The following LONP1 variants were observed in gnomAD, a reference collection of about 807,000 sequenced individuals.
LONP1 encodes lon peptidase 1, mitochondrial, also known as lon protease homolog, mitochondrial.
LONP1 carries 31 observed loss-of-function variants against 98.5 expected under a neutral mutation model. That is an observed-to-expected ratio of 0.31 (90% CI 0.24 to 0.42). The LOEUF is 0.42. LONP1 is among the 20% of genes least tolerant of loss of function. The pLI, the probability that LONP1 is intolerant of heterozygous loss-of-function variation, is 1.00. For missense variants in LONP1, 1,336 were observed against 1,350.6 expected, an observed-to-expected ratio of 0.99 and a Z score of 0.17; for synonymous variants, 781 against 594.7, an observed-to-expected ratio of 1.31 and a Z score of -4.56.
At chr19:5,697,059 C>CA (rs1326796203) in intron 10 of LONP1, among the ~76,000 whole-genome samples, 3 of 152,190 alleles carry the variant, frequency 2.0e-5, no homozygotes, top group Non-Finnish European at 4.4e-5. Context: ...AGAAGGCCCC[C>CA]ACTCCTCACT....
intron 2 of LONP1, 58 bp downstream of exon 2, chr19:5,714,124 GT>G: frequency 1.5e-6 from 2 of 1,333,816 alleles, no homozygotes; most frequent in South Asian, 2.4e-5. Context: ...AGTAGGACTT[GT>G]GGTGAGCTGG....
chr19:5,696,185 A>G lies in LONP1; in HGVS notation c.1897-15T>C. Reference sequence around the variant, plus strand: ...ATGAACAGCACCTGGGGGCGGCGGCAAGGTGCTGGGGGACTGGCCGCTTAC... The same window carrying G: ...ATGAACAGCACCTGGGGGCGGCGGCGAGGTGCTGGGGGACTGGCCGCTTAC... On this transcript the variant is annotated splice_polypyrimidine_tract_variant and intron_variant, in intron 12 of 17. Transcript: ENST00000360614. 6.2e-7 allele frequency: 1 copy of G among 1,612,778 alleles called. No individual in the cohort carries two copies.
At chr19:5,702,637 G>A (rs2055075039) in intron 8 of LONP1, among the ~76,000 whole-genome samples, 1 of 152,260 alleles carries the variant, frequency 6.6e-6, no homozygotes, top group Non-Finnish European at 1.5e-5. Flanking sequence ...GTAGAAAGAA[G>A]TAGACATGAG....
intron 6 of LONP1, 93 bp downstream of exon 6, chr19:5,707,604 T>C: frequency 1.4e-6 from 2 of 1,396,204 alleles, no homozygotes; most frequent in Admixed American, 3.7e-5. Flanking sequence ...ATGGGGGAGC[T>C]GAGGAGGAAC....
Position 5,712,015 on chromosome 19 carries a change from C to T in LONP1, c.639-13G>A, listed in dbSNP as rs2055247076. The T allele has an allele frequency of 6.2e-7, 1 of 1,605,642 alleles. No individual in the cohort carries two copies. The highest frequency in any genetic ancestry group is 8.5e-7 in the Non-Finnish European group (1 of 1,174,746). The stretch of plus-strand genomic sequence containing the variant: ...GCTGATATGGACTCTGACACGGGAG[C>T]AAGGCAGGTGTGAATCAGCCGCTGA... On this transcript the variant is annotated splice_polypyrimidine_tract_variant and intron_variant, in intron 3 of 17. Transcript: ENST00000360614.
At chr19:5,700,672 C>G in intron 9 of LONP1, 117 bp downstream of exon 9, 1 of 1,409,028 alleles carries the variant, frequency 7.1e-7, no homozygotes, top group Non-Finnish European at 9.6e-7. Context: ...CCGACCAGCA[C>G]CCCCAGGCCT....
At chr19:5,706,565 C>T (rs2055148532) in intron 7 of LONP1, among the ~76,000 whole-genome samples, 1 of 152,050 alleles carries the variant, frequency 6.6e-6, no homozygotes, top group Non-Finnish European at 1.5e-5. Context: ...TGAGATTGCG[C>T]CATTGCACTC....
intron 6 of LONP1, 47 bp downstream of exon 6, chr19:5,707,650 T>C (rs1301359716): frequency 1.3e-6 from 2 of 1,574,966 alleles, no homozygotes; most frequent in African/African-American, 1.4e-5. Flanking sequence ...ATAGTGGAGG[T>C]GGGGTGCAGC....
Position 5,693,435 on chromosome 19 carries a change from C to T in LONP1, c.2566G>A (p.Ala856Thr), listed in dbSNP as rs755394304. 1.6e-5 allele frequency: 25 copies of T among 1,611,668 alleles called. No homozygotes were observed. Among genetic ancestry groups the T allele is most frequent in the Admixed American group, 3.3e-5 (2 of 59,974 alleles). Residue 856 changes from alanine to threonine, a missense_variant, in exon 17 of 18, where the codon GCA becomes ACA. By Grantham distance (58) the Ala-to-Thr change is moderately conservative. Around this residue, in one of 5 missense-constraint regions of LONP1, gnomAD observed 555 missense variants for 542.6 expected, o/e 1.02. Coordinates refer to ENST00000360614, the MANE Select transcript of LONP1 (RefSeq NM_004793.4). The part of the protein sequence containing the change: ...EGATPKDGPS[A>T]GCTIVTALLS... ...AGGGCCGTGACGATGGTGCAGCCTG[C>T]GCTTGGGCCGTCCTTGGGGGTGGCG...
chr19:5,706,085 G>C, intron 7 of LONP1, 93 bp from the exon 8 acceptor site: 1 of 796,956 alleles, frequency 1.3e-6, no homozygotes, highest in Non-Finnish European at 2.1e-6. Context: ...TGCTCCCCCA[G>C]GACTCAGAGA....
chr19:5,696,949 T>A (rs1022591588), intron 10 of LONP1, among the ~76,000 whole-genome samples, 192 bp from the exon 11 acceptor site: 1 of 152,186 alleles, frequency 6.6e-6, no homozygotes, highest in South Asian at 2.1e-4. Flanking sequence ...TTGCCCTGAC[T>A]CGCCAGCTCA....
intron 9 of LONP1, among the ~76,000 whole-genome samples, chr19:5,699,688 G>C (rs554268230): frequency 6.6e-6 from 1 of 151,484 alleles, no homozygotes; most frequent in African/African-American, 2.4e-5. Context: ...CTCCTGAGTA[G>C]CTGGGATTAC....
chr19:5,694,994 A>C, intron 13 of LONP1, 93 bp from the exon 14 acceptor site: 1 of 1,430,568 alleles, frequency 7.0e-7, no homozygotes, highest in South Asian at 1.3e-5. Context: ...CATGGCCCCC[A>C]GACCCTGGCC....
chr19:5,715,431 C>T (rs1234151763), intron 1 of LONP1, among the ~76,000 whole-genome samples: 4 of 149,950 alleles, frequency 2.7e-5, no homozygotes, highest in East Asian at 2.0e-4. Context: ...ATCACAAGGT[C>T]AGGAGATCGA....
At chr19:5,714,364 G>T in intron 1 of LONP1, 93 bp from the exon 2 acceptor site, 1 of 865,028 alleles carries the variant, frequency 1.2e-6, no homozygotes, top group South Asian at 1.5e-5. Context: ...ATGTAATGGC[G>T]TGATCTCAGC....
At chr19:5,716,265 T>C (rs1266122037) in intron 1 of LONP1, among the ~76,000 whole-genome samples, 4 of 30,776 alleles carry the variant, frequency 1.3e-4, no homozygotes, top group East Asian at 5.4e-4. Context: ...TATACATATA[T>C]ATATATATAT....
chr19:5,693,897 G>T, intron 15 of LONP1, 128 bp from the exon 16 acceptor site: 2 of 785,910 alleles, frequency 2.5e-6, no homozygotes, highest in Non-Finnish European at 4.1e-6. Context: ...GGCAGGGGTT[G>T]GTGTCCCATC....
At chr19:5,699,713 A>G (rs767102066) in intron 9 of LONP1, among the ~76,000 whole-genome samples, 15 of 151,834 alleles carry the variant, frequency 9.9e-5, no homozygotes, top group Non-Finnish European at 2.1e-4. Context: ...GTGAGTCACC[A>G]TGCCTGGCTA....
At position 5,696,662 on chromosome 19, in the gene LONP1, G is replaced by A. The variant is rs775776260; in HGVS notation, c.1773+8C>T. Reference sequence around the variant, plus strand: ...GGTTAGGGGGTCTCCGGGCCTCTCCGCACGCACCTCGTCGATGAGGATCAG... The same window carrying A: ...GGTTAGGGGGTCTCCGGGCCTCTCCACACGCACCTCGTCGATGAGGATCAG... On this transcript the variant is annotated splice_region_variant and intron_variant, in intron 11 of 17. Coordinates refer to ENST00000360614, the MANE Select transcript of LONP1 (RefSeq NM_004793.4). 63 of 1,588,548 alleles carry A rather than the reference G, an allele frequency of 4.0e-5. No homozygotes were observed. The highest frequency in any genetic ancestry group is 2.9e-4 in the Admixed American group (17 of 58,830).
Sources: gnomAD v4.1 joint callset for allele counts (sites outside exome capture counted in the v4.1 genomes callset) on GRCh38, gnomAD v4.1.1 for gene constraint, gnomAD v4.1.1 regional missense constraint, MANE v1.5 for transcripts, NCBI Gene and HGNC (gene_info 2026-07-23, HGNC 2026-07-21) for gene names.